ZNF469: variants seen among roughly 807,000 people sequenced by gnomAD.
ZNF469 encodes the protein zinc finger protein 469.
In ZNF469, 1 loss-of-function variant was observed where a neutral mutation model predicts 1.0. That is an observed-to-expected ratio of 1.00 (90% CI 0.35 to 4.73). The LOEUF is 4.73. Ranked by LOEUF, ZNF469 falls within the 30% of genes most tolerant of loss-of-function variation. The pLI, the probability that ZNF469 is intolerant of heterozygous loss-of-function variation, is 0.16. For missense variants in ZNF469, 6,100 were observed against 5,356.3 expected (o/e 1.14, Z -4.33); for synonymous variants, 2,703 against 2,363.4 (o/e 1.14, Z -4.17).
At chr16:88,142,143 G>C in the ZNF469 span, among the ~76,000 whole-genome samples, 3 of 152,352 alleles carry the variant, frequency 2.0e-5, no homozygotes, top group African/African-American at 7.2e-5. Context: ...GGTGCGTCCA[G>C]GGTGAAACTG....
the ZNF469 span, among the ~76,000 whole-genome samples, chr16:88,221,128 C>G: frequency 6.6e-6 from 1 of 152,164 alleles, no homozygotes; most frequent in Admixed American, 6.5e-5. Context: ...GTGCCCAGGA[C>G]ACAGTGACCC....
the ZNF469 span, among the ~76,000 whole-genome samples, chr16:88,255,671 C>A: frequency 6.6e-6 from 1 of 152,218 alleles, no homozygotes; most frequent in Non-Finnish European, 1.5e-5. Flanking sequence ...CTGAAAAGTG[C>A]CTCAACAGTC....
chr16:88,140,282 G>A, the ZNF469 span, among the ~76,000 whole-genome samples: 207 of 145,368 alleles, frequency 1.4e-3, 1 homozygote, highest in South Asian at 0.012. Context: ...AATACAATAC[G>A]GAGGAATAAA....
chr16:88,284,695 C>G, the ZNF469 span, among the ~76,000 whole-genome samples: 1 of 152,106 alleles, frequency 6.6e-6, no homozygotes. Context: ...GGTGGGTCCT[C>G]CCAAGGAGAG....
the ZNF469 span, among the ~76,000 whole-genome samples, chr16:88,158,346 C>T: frequency 6.6e-6 from 1 of 151,954 alleles, no homozygotes; most frequent in African/African-American, 2.4e-5. Flanking sequence ...GCACGGGAAG[C>T]CCCCGGGGCA....
chr16:88,386,697 C>T (rs556989568), intron 1 of ZNF469, among the ~76,000 whole-genome samples: 1 of 152,328 alleles, frequency 6.6e-6, no homozygotes, highest in African/African-American at 2.4e-5. Context: ...CAGGTCAAGC[C>T]TGTCTCCAAG....
At chr16:88,188,527 C>T in the ZNF469 span, among the ~76,000 whole-genome samples, 1 of 152,258 alleles carries the variant, frequency 6.6e-6, no homozygotes, top group African/African-American at 2.4e-5. Context: ...ATGGTCTGGC[C>T]CCCATGGTGC....
At position 88,429,527 on chromosome 16, in the gene ZNF469, A is replaced by T. The variant is rs899392144; in HGVS notation, c.2057A>T (p.Glu686Val). ...GCCGAGGGTGCCTTCCAGTGCCTGGAGGAGACCCCATTCCCCCACGAGGGC... is the reference window on the plus strand; with the variant it reads ...GCCGAGGGTGCCTTCCAGTGCCTGGTGGAGACCCCATTCCCCCACGAGGGC... ...LGAEGAFQCLEETPFPHEGPE... is the reference protein window; with the variant it reads ...LGAEGAFQCLVETPFPHEGPE... The change falls in exon 3 of 3, where the codon GAG (glutamate) becomes GTG (valine). Residue 686 changes from glutamate (E) to valine (V), a missense_variant. Coordinates refer to ENST00000565624, the MANE Select transcript of ZNF469 (RefSeq NM_001367624.2). 1 of 1,548,302 alleles carries T rather than the reference A, an allele frequency of 6.5e-7. No homozygotes were observed. The highest frequency in any genetic ancestry group is 2.0e-5 in the Admixed American group (1 of 50,890).
chr16:88,361,698 CT>C, the ZNF469 span, among the ~76,000 whole-genome samples: 2,328 of 147,652 alleles, frequency 0.016, 68 homozygotes, highest in African/African-American at 0.053. Flanking sequence ...GCACTGGTTT[CT>C]TTTTTTTTTC....
At chr16:88,261,056 G>A in the ZNF469 span, among the ~76,000 whole-genome samples, 5 of 152,120 alleles carry the variant, frequency 3.3e-5, no homozygotes, top group Non-Finnish European at 7.4e-5. The surrounding 1 kb of genome is among the most constrained non-coding windows in gnomAD (Gnocchi z 6.0). Context: ...GGTGCCTGAC[G>A]GGGGCTTCCT....
At chr16:88,168,726 C>A in the ZNF469 span, among the ~76,000 whole-genome samples, 1 of 152,184 alleles carries the variant, frequency 6.6e-6, no homozygotes, top group Non-Finnish European at 1.5e-5. The surrounding 1 kb of genome is among the most constrained non-coding windows in gnomAD (Gnocchi z 4.3). Context: ...GAGGGCTGGG[C>A]TTTGAGGATT....
the ZNF469 span, among the ~76,000 whole-genome samples, chr16:88,171,163 T>C: frequency 6.6e-6 from 1 of 152,232 alleles, no homozygotes; most frequent in Non-Finnish European, 1.5e-5. Context: ...GTAGGCATGA[T>C]GGAGATTTGG....
At chr16:88,367,845 C>CA in the ZNF469 span, among the ~76,000 whole-genome samples, 69 of 152,202 alleles carry the variant, frequency 4.5e-4, no homozygotes, top group Admixed American at 4.5e-3. Context: ...ACATATTTAT[C>CA]AAAAAACAAA....
the ZNF469 span, among the ~76,000 whole-genome samples, chr16:88,117,573 CGGACCGTGGAGGTGCCACGTGCCTTCGG>C: frequency 1.4e-3 from 30 of 22,212 alleles, no homozygotes; most frequent in African/African-American, 3.6e-3. Flanking sequence ...CGTGCCTTCA[CGGACCGTGGAGGTGCCACGTGCCTTCGG>C]GGACCGTGGA....
the ZNF469 span, among the ~76,000 whole-genome samples, chr16:88,317,429 C>A: frequency 1.3e-5 from 2 of 152,180 alleles, no homozygotes; most frequent in Non-Finnish European, 1.5e-5. Context: ...CAGGGTGGAG[C>A]CTCGGAACCT....
the ZNF469 span, among the ~76,000 whole-genome samples, chr16:88,319,458 C>T: frequency 3.9e-5 from 6 of 152,136 alleles, no homozygotes; most frequent in African/African-American, 1.2e-4. Flanking sequence ...TCCGAGGCCT[C>T]GGAAGGTGGG....
the ZNF469 span, among the ~76,000 whole-genome samples, chr16:88,204,032 AAT>A: frequency 9.8e-5 from 14 of 143,184 alleles, no homozygotes; most frequent in East Asian, 1.2e-3. Flanking sequence ...CCCATAGAGC[AAT>A]GGGAGGTGCC....
At chr16:88,381,035 C>CAG (rs2092522121), upstream of ZNF469, among the ~76,000 whole-genome samples, 3 of 149,152 alleles carry the variant, frequency 2.0e-5, no homozygotes, top group African/African-American at 2.5e-5. Flanking sequence ...TGCACTCACA[C>CAG]ACATGCACTC....
At chr16:88,247,420 GTGAA>G in the ZNF469 span, among the ~76,000 whole-genome samples, 7 of 150,872 alleles carry the variant, frequency 4.6e-5, no homozygotes, top group African/African-American at 7.3e-5. Context: ...GAGTGAATAA[GTGAA>G]TGAATGAATG....
Sources: allele counts gnomAD v4.1 joint callset (sites outside exome capture counted in the v4.1 genomes callset), GRCh38; gene constraint gnomAD v4.1.1; non-coding constraint Gnocchi (gnomAD v3.1); transcripts MANE v1.5; gene names NCBI Gene and HGNC (gene_info 2026-07-23, HGNC 2026-07-21).